The following FOXP2 variants were observed in gnomAD, a reference collection of about 807,000 sequenced individuals.
FOXP2 encodes forkhead box protein P2.
FOXP2 carries 12 observed loss-of-function variants against 115.8 expected under a neutral mutation model. That is an observed-to-expected ratio of 0.10 (90% CI 0.07 to 0.17). The LOEUF is 0.17. Ranked by LOEUF, FOXP2 falls within the 10% of genes least tolerant of loss-of-function variation. FOXP2 has a pLI of 1.00. For synonymous variants in FOXP2, 328 were observed against 297.7 expected (o/e 1.10, Z -1.05); for missense variants, 629 against 843.5 (o/e 0.75, Z 3.15).
intron 8 of FOXP2, chr7:114,645,373 A>G (rs534520290): frequency 8.6e-5 from 13 of 151,886 alleles, no homozygotes; most frequent in South Asian, 2.1e-4. Context: ...ACACATGGCT[A>G]TATGTTTGTA....
intron 2 of FOXP2, among the ~76,000 whole-genome samples, chr7:114,513,879 T>A (rs1000559997): frequency 1.3e-5 from 2 of 152,078 alleles, no homozygotes; most frequent in Non-Finnish European, 2.9e-5. Flanking sequence ...ATACAGGAAA[T>A]GGCAAACTGT....
chr7:114,366,515 T>TA (rs1481233977), intron 2 of FOXP2: 1 of 152,150 alleles, frequency 6.6e-6, no homozygotes, highest in African/African-American at 2.4e-5. Context: ...CCAGTACTCA[T>TA]ATATATAGAA....
At chr7:114,372,874 C>G (rs1792047556) in intron 2 of FOXP2, among the ~76,000 whole-genome samples, 1 of 152,054 alleles carries the variant, frequency 6.6e-6, no homozygotes, top group African/African-American at 2.4e-5. Context: ...AGATTTTGAA[C>G]CTTGTTTTCG....
chr7:114,407,716 T>C (rs1793068181), intron 2 of FOXP2, among the ~76,000 whole-genome samples: 1 of 152,126 alleles, frequency 6.6e-6, no homozygotes, highest in South Asian at 2.1e-4. Context: ...TATGCAAATA[T>C]TTGAACAGTT....
At chr7:114,377,248 A>G (rs1203757568) in intron 2 of FOXP2, among the ~76,000 whole-genome samples, 1 of 152,208 alleles carries the variant, frequency 6.6e-6, no homozygotes, top group African/African-American at 2.4e-5. Context: ...TGAGAAATCC[A>G]AAGTTTGAGA....
intron 1 of FOXP2, among the ~76,000 whole-genome samples, chr7:114,217,553 C>A (rs533989371): frequency 6.6e-6 from 1 of 152,022 alleles, no homozygotes; most frequent in East Asian, 1.9e-4. Context: ...TAATTATAAT[C>A]ACAAGGTTGT....
intron 2 of FOXP2, among the ~76,000 whole-genome samples, chr7:114,380,585 T>A (rs938194105): frequency 6.6e-6 from 1 of 152,246 alleles, no homozygotes; most frequent in African/African-American, 2.4e-5. Flanking sequence ...CTATCTTTTC[T>A]TCATTGTCTG....
chr7:114,208,876 A>G (rs1160985280), intron 1 of FOXP2, among the ~76,000 whole-genome samples: 17 of 152,238 alleles, frequency 1.1e-4, no homozygotes, highest in Non-Finnish European at 1.5e-5. Flanking sequence ...AACTGAGTCC[A>G]TTAAACCTCT....
chr7:114,658,806 A>ACCCTTCT (rs544415313), intron 11 of FOXP2, among the ~76,000 whole-genome samples: 2 of 151,848 alleles, frequency 1.3e-5, no homozygotes, highest in South Asian at 2.1e-4. Flanking sequence ...TCCCTCTCTT[A>ACCCTTCT]CCCTTCTCCC....
intron 1 of FOXP2, among the ~76,000 whole-genome samples, chr7:114,097,444 ATTG>A (rs1348116889): frequency 6.6e-6 from 1 of 152,084 alleles, no homozygotes; most frequent in Admixed American, 6.5e-5. Context: ...ATTAATTTAT[ATTG>A]TTGTGTATAT....
chr7:114,665,432 A>G lies in FOXP2; in HGVS notation c.2003+996A>G, dbSNP rs1056317593. ...ATTGTCTTCCTTTATTTTTCCATTC[A>G]ATATCTAGTAAAAGGTCTGAAAGAG... is the stretch of plus-strand genomic sequence containing the variant. On this transcript the variant is annotated intron_variant, in intron 16 of 16. Coordinates refer to ENST00000350908, the MANE Select transcript of FOXP2 (RefSeq NM_014491.4). 2.0e-5 allele frequency: 3 copies of G among 152,074 alleles called. No individual in the cohort carries two copies. In the East Asian group the frequency reaches 5.8e-4, roughly 29 times the overall value. The allele number at this position is 152,074 out of a possible 1,614,324, so 9.4% of individuals were successfully genotyped here.
chr7:114,334,937 A>G (rs112545257), intron 2 of FOXP2, among the ~76,000 whole-genome samples: 2 of 142,076 alleles, frequency 1.4e-5, no homozygotes, highest in African/African-American at 5.2e-5. Flanking sequence ...AAATCTATAT[A>G]TATATATATA....
chr7:114,557,075 A>G (rs1800501427), intron 3 of FOXP2, among the ~76,000 whole-genome samples: 1 of 152,204 alleles, frequency 6.6e-6, no homozygotes, highest in South Asian at 2.1e-4. Flanking sequence ...TTAAGCAAGA[A>G]AGACTTTTGC....
At chr7:114,134,668 C>A (rs1044173718) in intron 1 of FOXP2, among the ~76,000 whole-genome samples, 2 of 149,982 alleles carry the variant, frequency 1.3e-5, no homozygotes, top group East Asian at 3.9e-4. Flanking sequence ...AGCCGAGATC[C>A]CGCCACTGCA....
chr7:114,639,465 A>T (rs1321610268), intron 6 of FOXP2, among the ~76,000 whole-genome samples: 1 of 152,070 alleles, frequency 6.6e-6, no homozygotes, highest in African/African-American at 2.4e-5. Context: ...GAGACTGGTG[A>T]TAACAAGAGG....
chr7:114,422,023 ACT>A (rs1469912303), intron 1 of FOXP2, among the ~76,000 whole-genome samples: 1 of 151,708 alleles, frequency 6.6e-6, no homozygotes, highest in African/African-American at 2.4e-5. Flanking sequence ...TTAATATTTA[ACT>A]CTTTCTTGTG....
chr7:114,416,440 A>AAATTTAAT (rs1793346002), intron 1 of FOXP2: 1 of 150,114 alleles, frequency 6.7e-6, no homozygotes, highest in South Asian at 2.1e-4. Flanking sequence ...AATAACGCCT[A>AAATTTAAT]AATTTCATCC....
At chr7:114,525,271 G>A (rs904652115) in intron 2 of FOXP2, among the ~76,000 whole-genome samples, 5 of 152,176 alleles carry the variant, frequency 3.3e-5, no homozygotes, top group Admixed American at 6.5e-5. Context: ...AAAAGTCTTC[G>A]CCTGGAATAA....
chr7:114,644,707 G>T lies in FOXP2; in HGVS notation c.1012G>T (p.Ala338Ser), dbSNP rs767291302. Reference sequence around the variant, plus strand: ...CAGCTCGTCACATGAGGAGACTGGGGCCTCTCACACTCTCTATGGCCATGG... The same window carrying T: ...CAGCTCGTCACATGAGGAGACTGGGTCCTCTCACACTCTCTATGGCCATGG... ...RDSSSHEETG[A>S]SHTLYGHGVC... is the part of the protein sequence containing the mutation. Residue 338 changes from alanine to serine, a missense_variant, in exon 8 of 17, where the codon GCC becomes TCC. Ala to Ser is a moderately conservative substitution (Grantham distance 99, BLOSUM62 1). This residue lies in a region of FOXP2 where 92 missense variants were observed against 80.1 expected (regional missense o/e 1.15). Transcript: ENST00000350908. 7 of 1,613,804 alleles carry T rather than the reference G, an allele frequency of 4.3e-6. No individual in the cohort carries two copies. Among genetic ancestry groups the T allele is most frequent in the Non-Finnish European group, 5.1e-6 (6 of 1,179,902 alleles).
Sources: allele counts gnomAD v4.1 joint callset (sites outside exome capture counted in the v4.1 genomes callset), GRCh38; gene constraint gnomAD v4.1.1; regional missense constraint gnomAD v4.1.1; transcripts MANE v1.5; gene names NCBI Gene and HGNC (gene_info 2026-07-23, HGNC 2026-07-21).